Variants in HS3ST5 observed in about 807,000 individuals in gnomAD.
The protein encoded by HS3ST5 is heparan sulfate glucosamine 3-O-sulfotransferase 5.
In HS3ST5, 10 loss-of-function variants were observed where a neutral mutation model predicts 25.4. The observed-to-expected ratio is 0.39, with a 90% CI of 0.24 to 0.67. The LOEUF (loss-of-function observed/expected upper bound fraction) is 0.67. Ranked by LOEUF, HS3ST5 falls within the 30% of genes least tolerant of loss-of-function variation. The pLI, the probability that HS3ST5 is intolerant of heterozygous loss-of-function variation, is 0.44. For missense variants in HS3ST5, 324 were observed against 420.7 expected, an observed-to-expected ratio of 0.77 and a Z score of 2.01; for synonymous variants, 170 against 162.4, an observed-to-expected ratio of 1.05 and a Z score of -0.36.
Position 114,056,050 on chromosome 6 carries a change from A to C in HS3ST5, c.*1207T>G, listed in dbSNP as rs1259411098. 6.6e-6 allele frequency: 1 copy of C among 152,200 alleles called. No individual in the cohort carries two copies. Among genetic ancestry groups the C allele is most frequent in the African/African-American group, 2.4e-5 (1 of 41,438 alleles). 9.4% of individuals were successfully genotyped at this position (152,200 alleles called of 1,614,324 possible). A position where few individuals can be genotyped will look rare whatever the true frequency, so the allele number is the denominator to read the frequency against. ...ATCTTGTTTTCATTTTTGAAGCATCAGCAGCTTTCAGTACAGAGTTTTCTA... is the reference window on the plus strand; with the variant it reads ...ATCTTGTTTTCATTTTTGAAGCATCCGCAGCTTTCAGTACAGAGTTTTCTA... On this transcript the variant is annotated 3_prime_UTR_variant, in exon 5 of 5. Coordinates refer to ENST00000312719, the MANE Select transcript of HS3ST5 (RefSeq NM_153612.4).
rs921851178 is a variant in HS3ST5, at chr6:114,069,559, G to A, written c.-32-6682C>T. Reference sequence around the variant, plus strand: ...TTTTGAGACGGAGTCTCGCTCTGTCGCCAGGCTGGATTGCAGTGGCACGAT... The same window carrying A: ...TTTTGAGACGGAGTCTCGCTCTGTCACCAGGCTGGATTGCAGTGGCACGAT... On this transcript the variant is annotated intron_variant, in intron 3 of 4. Transcript: ENST00000312719. 1.6e-4 allele frequency among the ~76,000 whole-genome samples: 23 copies of A among 142,968 alleles called. No individual in the cohort carries two copies. The South Asian group carries it at 2.4e-3, about 15-fold the overall frequency. The allele number at this position is 142,968 out of a possible 152,430, so 93.8% of individuals were successfully genotyped here. A position where few individuals can be genotyped will look rare whatever the true frequency, so the allele number is the denominator to read the frequency against.
chr6:114,108,340 A>G (rs1025229336), intron 3 of HS3ST5, among the ~76,000 whole-genome samples: 1 of 152,136 alleles, frequency 6.6e-6, no homozygotes, highest in African/African-American at 2.4e-5. Flanking sequence ...ACTAGACAGC[A>G]AAGGAACTGG....
chr6:114,158,518 G>A (rs999041228), intron 3 of HS3ST5, among the ~76,000 whole-genome samples: 3 of 152,172 alleles, frequency 2.0e-5, no homozygotes, highest in African/African-American at 7.2e-5. Context: ...AGTGATCTGG[G>A]AGGCAGGGAC....
rs939270179 is a variant in HS3ST5, at chr6:114,342,597, G to A, written c.-741C>T. The stretch of plus-strand genomic sequence containing the variant: ...GGGCACGGCACGGGCGGCCGCAGGA[G>A]CCGGAGTCCGCGCAGTGCCGGAGAC... On this transcript the variant is annotated 5_prime_UTR_variant, in exon 1 of 5. Transcript: ENST00000312719. 6.5e-6 allele frequency: 1 copy of A among 154,066 alleles called. No homozygotes were observed. The highest frequency in any genetic ancestry group is 6.5e-5 in the Admixed American group (1 of 15,282). The allele number at this position is 154,066 out of a possible 1,614,324, so 9.5% of individuals were successfully genotyped here.
At chr6:114,076,932 T>C (rs1006503304) in intron 3 of HS3ST5, among the ~76,000 whole-genome samples, 1 of 152,184 alleles carries the variant, frequency 6.6e-6, no homozygotes, top group Non-Finnish European at 1.5e-5. Flanking sequence ...CTTTGTTTCT[T>C]CAGTTAACCA....
intron 1 of HS3ST5, among the ~76,000 whole-genome samples, chr6:114,244,115 G>A (rs182769577): frequency 1.8e-3 from 270 of 152,288 alleles, no homozygotes; most frequent in African/African-American, 6.3e-3. Flanking sequence ...GGATAGAGAA[G>A]GAAAGAAGGT....
chr6:114,198,949 T>G (rs1780889587), intron 2 of HS3ST5, among the ~76,000 whole-genome samples: 1 of 152,192 alleles, frequency 6.6e-6, no homozygotes, highest in African/African-American at 2.4e-5. Flanking sequence ...TGAATTGGCC[T>G]ATAAAAGGTT....
intron 1 of HS3ST5, among the ~76,000 whole-genome samples, chr6:114,311,277 G>A (rs545911543): frequency 3.4e-4 from 52 of 152,074 alleles, no homozygotes; most frequent in Middle Eastern, 3.2e-3. Flanking sequence ...AATGTTTTAA[G>A]GAAAAGAATG....
chr6:114,168,602 T>A (rs545679887), intron 2 of HS3ST5, 140 bp from the exon 3 acceptor site: 1 of 152,340 alleles, frequency 6.6e-6, no homozygotes, highest in South Asian at 2.1e-4. Context: ...TTTCTTTCTC[T>A]CTTTCTTTTT....
At chr6:114,084,803 T>A (rs1774698778) in intron 3 of HS3ST5, 3 of 696,646 alleles carry the variant, frequency 4.3e-6, no homozygotes, top group Non-Finnish European at 7.8e-6. Context: ...ATTTTCAAAC[T>A]CTTAGAAAAT....
At chr6:114,320,703 T>A (rs888734754) in intron 1 of HS3ST5, among the ~76,000 whole-genome samples, 1 of 152,094 alleles carries the variant, frequency 6.6e-6, no homozygotes, top group African/African-American at 2.4e-5. Flanking sequence ...TTACATCACC[T>A]TAACCAAACA....
chr6:114,116,660 C>T (rs1272092421), intron 3 of HS3ST5, among the ~76,000 whole-genome samples: 8 of 152,046 alleles, frequency 5.3e-5, no homozygotes, highest in Non-Finnish European at 1.2e-4. Context: ...CTTTGCCCTT[C>T]GCCTTCCACT....
chr6:114,184,036 T>G (rs1224537664), intron 2 of HS3ST5, among the ~76,000 whole-genome samples: 2 of 151,292 alleles, frequency 1.3e-5, no homozygotes, highest in Admixed American at 1.3e-4. Context: ...CTGAGAAGAT[T>G]TCTTTTCTTT....
intron 1 of HS3ST5, among the ~76,000 whole-genome samples, chr6:114,282,458 C>T (rs1009863413): frequency 6.6e-6 from 1 of 151,936 alleles, no homozygotes; most frequent in African/African-American, 2.4e-5. Context: ...CCCACAGCAT[C>T]CCCGTTCTCT....
At chr6:114,062,671 A>T in intron 4 of HS3ST5, 68 bp downstream of exon 4, 1 of 955,600 alleles carries the variant, frequency 1.0e-6, no homozygotes, top group South Asian at 1.5e-5. Context: ...ACTTAAAATT[A>T]TGTCCTAAGG....
At chr6:114,177,939 A>G (rs1364053441) in intron 2 of HS3ST5, among the ~76,000 whole-genome samples, 1 of 152,236 alleles carries the variant, frequency 6.6e-6, no homozygotes, top group Non-Finnish European at 1.5e-5. Context: ...AAGGAATTCA[A>G]AACTGTGTTT....
intron 3 of HS3ST5, among the ~76,000 whole-genome samples, chr6:114,087,334 A>C (rs1473785664): frequency 6.6e-6 from 1 of 152,122 alleles, no homozygotes; most frequent in Non-Finnish European, 1.5e-5. Context: ...TAGAAATTGT[A>C]GTTATCATTC....
intron 2 of HS3ST5, among the ~76,000 whole-genome samples, chr6:114,227,088 T>C (rs181839963): frequency 1.3e-5 from 2 of 151,968 alleles, no homozygotes; most frequent in Admixed American, 1.3e-4. Flanking sequence ...CAAGTGCATG[T>C]GAAACTTCAT....
intron 1 of HS3ST5, among the ~76,000 whole-genome samples, chr6:114,333,708 C>G (rs1053116275): frequency 2.0e-4 from 30 of 151,818 alleles, no homozygotes; most frequent in Non-Finnish European, 3.1e-4. Context: ...TGCAGTGACA[C>G]GATCTCGGAT....
Sources: allele counts gnomAD v4.1 joint callset (sites outside exome capture counted in the v4.1 genomes callset), GRCh38; gene constraint gnomAD v4.1.1; transcripts MANE v1.5; gene names NCBI Gene and HGNC (gene_info 2026-07-23, HGNC 2026-07-21).